The following PACSIN2 variants were observed in gnomAD, a reference collection of about 807,000 sequenced individuals.
PACSIN2 encodes the protein protein kinase C and casein kinase substrate in neurons 2.
A neutral mutation model predicts 63.8 loss-of-function variants in PACSIN2; 25 were observed. The observed-to-expected ratio is 0.39, with a 90% CI of 0.29 to 0.55. The LOEUF is 0.55. Ranked by LOEUF, PACSIN2 falls within the 20% of genes least tolerant of loss-of-function variation. The probability of loss-of-function intolerance (pLI) is 0.62; values close to 1 mark genes in which losing one functional copy is unlikely to be tolerated. For missense variants in PACSIN2, 518 were observed against 646.9 expected (o/e 0.80, Z 2.16); for synonymous variants, 255 against 256.2 (o/e 1.00, Z 0.05).
chr22:42,947,352 C>T (rs1378359408), intron 1 of PACSIN2, among the ~76,000 whole-genome samples: 1 of 152,202 alleles, frequency 6.6e-6, no homozygotes, highest in Admixed American at 6.5e-5. Context: ...CAGGTCAACG[C>T]TTCAGCTTCT....
intron 1 of PACSIN2, among the ~76,000 whole-genome samples, chr22:42,923,198 G>T (rs964708848): frequency 1.3e-5 from 2 of 152,140 alleles, no homozygotes; most frequent in Non-Finnish European, 1.5e-5. Context: ...ATAATTGGCC[G>T]CAGAACTGTA....
At chr22:42,906,988 G>A (rs1271918612) in intron 2 of PACSIN2, among the ~76,000 whole-genome samples, 1 of 152,242 alleles carries the variant, frequency 6.6e-6, no homozygotes, top group Non-Finnish European at 1.5e-5. Context: ...GGAGAGCACA[G>A]AGGAAGACTG....
intron 2 of PACSIN2, among the ~76,000 whole-genome samples, chr22:42,901,787 T>C (rs1013486891): frequency 2.6e-5 from 4 of 152,170 alleles, no homozygotes; most frequent in African/African-American, 4.8e-5. Flanking sequence ...TTGAAGACGA[T>C]GTTGGTGCTT....
chr22:42,896,246 T>C (rs181259997), intron 2 of PACSIN2, among the ~76,000 whole-genome samples: 1 of 152,310 alleles, frequency 6.6e-6, no homozygotes, highest in East Asian at 1.9e-4. Flanking sequence ...CAAGGATATA[T>C]GGAATACACA....
At chr22:43,006,869 C>A (rs879352449) in intron 1 of PACSIN2, among the ~76,000 whole-genome samples, 19 of 152,120 alleles carry the variant, frequency 1.2e-4, no homozygotes, top group Non-Finnish European at 7.4e-5. Flanking sequence ...CATTCTCAAC[C>A]AAACACGTAA....
At chr22:42,886,936 G>T (rs560595107) in intron 5 of PACSIN2, among the ~76,000 whole-genome samples, 1 of 152,174 alleles carries the variant, frequency 6.6e-6, no homozygotes, top group Non-Finnish European at 1.5e-5. Flanking sequence ...AACATGAAAG[G>T]CCTCTTCCTC....
intron 1 of PACSIN2, among the ~76,000 whole-genome samples, chr22:42,968,122 G>C (rs189739288): frequency 0.01 from 1,558 of 152,318 alleles, 59 homozygotes; most frequent in Admixed American, 0.081. Context: ...GCGGGAAGCT[G>C]CAACCCTGGC....
At chr22:42,974,052 C>T (rs1268572127) in intron 1 of PACSIN2, among the ~76,000 whole-genome samples, 1 of 152,184 alleles carries the variant, frequency 6.6e-6, no homozygotes, top group Non-Finnish European at 1.5e-5. Flanking sequence ...TAAAAAGGAC[C>T]AGCATCTCCC....
intron 5 of PACSIN2, among the ~76,000 whole-genome samples, chr22:42,885,214 A>G (rs1269002725): frequency 6.6e-6 from 1 of 152,128 alleles, no homozygotes; most frequent in Non-Finnish European, 1.5e-5. Flanking sequence ...TGAAATTCCT[A>G]AGACATGGCT....
In PACSIN2 at chr22:42,977,678, G is replaced by A. The variant is rs530180268; in HGVS notation, c.-78+37343C>T. On this transcript the variant is annotated intron_variant, in intron 1 of 10. Transcript: ENST00000263246. ...CTGTGTGGCAGGGGAGGGACCTGAT[G>A]GGAGGTGATTAGATCATGGAGGCGA... is the stretch of plus-strand genomic sequence containing the variant. Among the ~76,000 whole-genome samples, 17 of 152,210 alleles carry A rather than the reference G, an allele frequency of 1.1e-4. 1 individual carries two copies. The East Asian group carries it at 3.3e-3, about 29-fold the overall frequency.
At chr22:42,876,828 G>A in intron 9 of PACSIN2, 60 bp downstream of exon 9, 1 of 1,609,404 alleles carries the variant, frequency 6.2e-7, no homozygotes, top group Admixed American at 1.7e-5. Context: ...CCTGGACAGA[G>A]AGAGAGGAAG....
At chr22:42,996,199 G>A (rs984853174) in intron 1 of PACSIN2, among the ~76,000 whole-genome samples, 11 of 149,652 alleles carry the variant, frequency 7.4e-5, no homozygotes, top group Non-Finnish European at 1.0e-4. Context: ...CAGGCTGGGC[G>A]ACAGAGCGAG....
chr22:42,994,306 G>A (rs996009125), intron 1 of PACSIN2, among the ~76,000 whole-genome samples: 1 of 152,202 alleles, frequency 6.6e-6, no homozygotes, highest in Non-Finnish European at 1.5e-5. Context: ...ATGGTCCCAA[G>A]CCCCATGTGT....
rs6413509 is a variant in PACSIN2 at position 42,869,780 on chromosome 22, G to C, written c.*1577C>G. The C allele has an allele frequency of 6.6e-6, 1 of 152,274 alleles. No individual in the cohort carries two copies. The highest frequency in any genetic ancestry group is 1.5e-5 in the Non-Finnish European group (1 of 68,054). The allele number at this position is 152,274 out of a possible 1,614,324, so 9.4% of individuals were successfully genotyped here. ...GGCGAAGGGACTTCCATATGCACGA[G>C]ATCAACTGTTTATTGATTTTTTTCC... On this transcript the variant is annotated 3_prime_UTR_variant, in exon 11 of 11. Coordinates refer to ENST00000263246, the MANE Select transcript of PACSIN2 (RefSeq NM_001184970.3).
rs1319301331 is a variant in PACSIN2 at position 42,881,579 on chromosome 22, G to A, written c.906+605C>T. ...CCCACTGCCTTCAGGGTGCCAGGTG[G>A]GGCCTAGTGACCAATCCAAGGGCTA... is the stretch of plus-strand genomic sequence containing the variant. On this transcript the variant is annotated intron_variant, in intron 7 of 10. Coordinates refer to ENST00000263246, the MANE Select transcript of PACSIN2 (RefSeq NM_001184970.3). Among the ~76,000 whole-genome samples the A allele has an allele frequency of 3.3e-5, 5 of 152,246 alleles. No individual in the cohort carries two copies. The South Asian group carries it at 1.0e-3, about 31-fold the overall frequency.
chr22:42,991,844 C>G (rs1923068529), intron 1 of PACSIN2, among the ~76,000 whole-genome samples: 1 of 150,028 alleles, frequency 6.7e-6, no homozygotes, highest in Admixed American at 6.6e-5. Context: ...TCAATTCACA[C>G]ACCGCAACAC....
At position 42,891,192 on chromosome 22, in the gene PACSIN2, G is replaced by A; in HGVS notation, c.218-10C>T. The A allele has an allele frequency of 1.9e-6, 3 of 1,599,534 alleles. No individual in the cohort carries two copies. Among genetic ancestry groups the A allele is most frequent in the Non-Finnish European group, 2.6e-6 (3 of 1,168,184 alleles). On this transcript the variant is annotated splice_polypyrimidine_tract_variant and intron_variant, in intron 3 of 10. Coordinates refer to ENST00000263246, the MANE Select transcript of PACSIN2 (RefSeq NM_001184970.3). ...GTCCCGTACTGGGGCCCTGTGCAGG[G>A]GAGAGAAGCTGCGGGTCACTCAGCG...
chr22:42,993,450 C>T (rs73889012), intron 1 of PACSIN2, among the ~76,000 whole-genome samples: 3,912 of 152,258 alleles, frequency 0.026, 169 homozygotes, highest in African/African-American at 0.091. Context: ...AATTTGAAGG[C>T]AGAATAACAT....
At chr22:42,900,302 G>C (rs1930589049) in intron 2 of PACSIN2, among the ~76,000 whole-genome samples, 1 of 152,126 alleles carries the variant, frequency 6.6e-6, no homozygotes, top group East Asian at 1.9e-4. Context: ...TAGCTAGACT[G>C]TAAGCCTCCC....
Sources: allele counts gnomAD v4.1 joint callset (sites outside exome capture counted in the v4.1 genomes callset), GRCh38; gene constraint gnomAD v4.1.1; transcripts MANE v1.5; gene names NCBI Gene and HGNC (gene_info 2026-07-23, HGNC 2026-07-21).